Variants in PCDHA6 observed in about 807,000 individuals in gnomAD.
PCDHA6 encodes the protein protocadherin alpha-6.
A neutral mutation model predicts 60.3 loss-of-function variants in PCDHA6; 55 were observed. That is an observed-to-expected ratio of 0.91 (90% CI 0.73 to 1.14). PCDHA6 has a LOEUF of 1.14. PCDHA6 is among the 50% of genes most tolerant of loss of function. The probability of loss-of-function intolerance (pLI) is 0.00; values close to 1 mark genes in which losing one functional copy is unlikely to be tolerated. For missense variants in PCDHA6, 1,327 were observed against 1,256.5 expected (o/e 1.06, Z -0.85); for synonymous variants, 652 against 557.9 (o/e 1.17, Z -2.38).
chr5:140,948,542 C>A (rs141026678), intron 1 of PCDHA6, among the ~76,000 whole-genome samples: 66 of 151,648 alleles, frequency 4.4e-4, no homozygotes, highest in African/African-American at 1.5e-3. Flanking sequence ...ATTTCATGCT[C>A]TGTCAATTTT....
rs547015879 is a variant in PCDHA6 at position 140,902,341 on chromosome 5, G to A, written c.2394+71856G>A. 1.8e-3 allele frequency among the ~76,000 whole-genome samples: 276 copies of A among 151,446 alleles called. 1 individual carries two copies. The highest frequency in any genetic ancestry group is 3.7e-3 in the Non-Finnish European group (250 of 67,812). The stretch of plus-strand genomic sequence containing the variant: ...GTGTAACTCACTTCGCCTGGCCTAG[G>A]AAGCCCTTTATTTCTTTCTCTTGTC... On this transcript the variant is annotated intron_variant, in intron 1 of 3. Transcript: ENST00000529310.
rs1270383213 is a variant in PCDHA6 at position 140,835,905 on chromosome 5, G to A, written c.2394+5420G>A. 4 of 1,612,188 alleles carry A rather than the reference G, an allele frequency of 2.5e-6. No homozygotes were observed. In the East Asian group the frequency reaches 8.9e-5, roughly 36 times the overall value. ...GGGCGAGCGCGCGCTGTCGAGCTAC[G>A]TGTCAGTGCACGCGGAGAGCGGCAA... On this transcript the variant is annotated intron_variant, in intron 1 of 3. Transcript: ENST00000529310.
chr5:140,896,485 C>T (rs1259028670), intron 1 of PCDHA6, among the ~76,000 whole-genome samples: 1 of 152,032 alleles, frequency 6.6e-6, no homozygotes, highest in African/African-American at 2.4e-5. Flanking sequence ...GCCTCAGCCT[C>T]CTGAGTAGCT....
At chr5:140,948,897 T>C (rs1487067374) in intron 1 of PCDHA6, among the ~76,000 whole-genome samples, 1 of 151,680 alleles carries the variant, frequency 6.6e-6, no homozygotes. Context: ...AGATTTTAAG[T>C]GGATTCTTAG....
chr5:140,876,212 A>G lies in PCDHA6; in HGVS notation c.2394+45727A>G, dbSNP rs782252921. On this transcript the variant is annotated intron_variant, in intron 1 of 3. Coordinates refer to ENST00000529310, the MANE Select transcript of PCDHA6 (RefSeq NM_018909.4). Reference sequence around the variant, plus strand: ...GGTCCGGCGTTTGATAAGCCCAGCTATAAAGTAGTGTTGTCTGAAAATGTC... The same window carrying G: ...GGTCCGGCGTTTGATAAGCCCAGCTGTAAAGTAGTGTTGTCTGAAAATGTC... 5.6e-6 allele frequency: 9 copies of G among 1,613,994 alleles called. No individual in the cohort carries two copies. In the East Asian group the frequency reaches 2.0e-4, roughly 36 times the overall value.
chr5:140,834,585 T>A, intron 1 of PCDHA6: 1 of 1,614,126 alleles, frequency 6.2e-7, no homozygotes, highest in Non-Finnish European at 8.5e-7. Flanking sequence ...CCGGGCGGTG[T>A]GCAAATTCCG....
chr5:140,957,826 G>A (rs1282608668), intron 1 of PCDHA6, among the ~76,000 whole-genome samples: 3 of 151,106 alleles, frequency 2.0e-5, no homozygotes, highest in East Asian at 3.9e-4. Flanking sequence ...TTAAGAGAAA[G>A]TGTTAATTGA....
intron 3 of PCDHA6, among the ~76,000 whole-genome samples, chr5:140,998,715 C>T (rs535565356): frequency 2.6e-5 from 4 of 152,236 alleles, no homozygotes; most frequent in African/African-American, 9.6e-5. Flanking sequence ...CAAGCTTGCA[C>T]CACCACGCTA....
intron 1 of PCDHA6, chr5:140,842,642 T>C: frequency 6.3e-7 from 1 of 1,595,112 alleles, no homozygotes; most frequent in Non-Finnish European, 8.6e-7. Context: ...CACCGCCAGC[T>C]TGTCTGTGGA....
At chr5:140,894,973 C>G (rs1297295605) in intron 1 of PCDHA6, among the ~76,000 whole-genome samples, 1 of 152,076 alleles carries the variant, frequency 6.6e-6, no homozygotes, top group Non-Finnish European at 1.5e-5. Context: ...TTTTTAATGT[C>G]TTACTTTGTG....
intron 1 of PCDHA6, among the ~76,000 whole-genome samples, chr5:140,890,820 G>T (rs945332484): frequency 1.3e-5 from 2 of 152,080 alleles, no homozygotes; most frequent in East Asian, 3.9e-4. Flanking sequence ...TGTTTTAAAT[G>T]TACTTACATA....
intron 1 of PCDHA6, among the ~76,000 whole-genome samples, chr5:140,874,080 C>A (rs2054679872): frequency 6.6e-6 from 1 of 152,142 alleles, no homozygotes; most frequent in South Asian, 2.1e-4. Flanking sequence ...CTGATGACAT[C>A]AAAATTCAAA....
intron 3 of PCDHA6, among the ~76,000 whole-genome samples, chr5:141,008,053 C>T (rs1554261648): frequency 6.6e-6 from 1 of 152,056 alleles, no homozygotes; most frequent in African/African-American, 2.4e-5. Context: ...AACAGGGGTC[C>T]AGTCCATCTA....
intron 3 of PCDHA6, among the ~76,000 whole-genome samples, chr5:141,007,994 T>G (rs1339008337): frequency 5.9e-5 from 9 of 152,262 alleles, no homozygotes. Flanking sequence ...GAAATGTACA[T>G]GTTAATAAAC....
chr5:140,946,611 A>AATATATATAT (rs1554217734), intron 1 of PCDHA6, among the ~76,000 whole-genome samples: 3,697 of 86,664 alleles, frequency 0.043, 168 homozygotes, highest in Non-Finnish European at 0.054. Flanking sequence ...GAAAATGTGA[A>AATATATATAT]ATATATATAT....
intron 1 of PCDHA6, among the ~76,000 whole-genome samples, chr5:140,950,449 T>G (rs1377637881): frequency 4.6e-5 from 7 of 152,088 alleles, no homozygotes; most frequent in African/African-American, 1.7e-4. Flanking sequence ...GTTATTCTAC[T>G]GTCTTCTAAT....
chr5:140,972,080 AAG>A (rs1446545098), intron 1 of PCDHA6, among the ~76,000 whole-genome samples: 8 of 152,208 alleles, frequency 5.3e-5, no homozygotes, highest in African/African-American at 1.9e-4. Flanking sequence ...CTTTTGGAAA[AAG>A]AGTAATTTCT....
chr5:140,891,440 G>T (rs1583052190), intron 1 of PCDHA6, among the ~76,000 whole-genome samples: 1 of 147,558 alleles, frequency 6.8e-6, no homozygotes, highest in Admixed American at 6.9e-5. Flanking sequence ...AACGTCCATT[G>T]TATAGGATTT....
chr5:140,972,515 G>A (rs572041832), intron 1 of PCDHA6, among the ~76,000 whole-genome samples: 1 of 152,166 alleles, frequency 6.6e-6, no homozygotes, highest in South Asian at 2.1e-4. Flanking sequence ...TTTACCCCCA[G>A]TGAGCTTATT....
Sources: gnomAD v4.1 joint callset for allele counts (sites outside exome capture counted in the v4.1 genomes callset) on GRCh38, gnomAD v4.1.1 for gene constraint, MANE v1.5 for transcripts, NCBI Gene and HGNC (gene_info 2026-07-23, HGNC 2026-07-21) for gene names.